The following CLN3 variants were observed in gnomAD, a reference collection of about 807,000 sequenced individuals.
CLN3 encodes the protein CLN3 lysosomal/endosomal transmembrane protein, battenin.
CLN3 carries 49 observed loss-of-function variants against 60.7 expected under a neutral mutation model. That is an observed-to-expected ratio of 0.81 (90% CI 0.64 to 1.02). CLN3 has a LOEUF of 1.02. Among genes scored for constraint, CLN3 ranks in the 50% least tolerant of loss-of-function variants. The pLI, the probability that CLN3 is intolerant of heterozygous loss-of-function variation, is 0.00. For synonymous variants in CLN3, 256 were observed against 245.8 expected (o/e 1.04, Z -0.39); for missense variants, 516 against 557.4 (o/e 0.93, Z 0.75).
rs1467276949 is a variant in CLN3 at position 28,482,084 on chromosome 16, T to C, written c.1056+21A>G. The C allele has an allele frequency of 2.5e-6, 4 of 1,592,372 alleles. No homozygotes were observed. In the African/African-American group the frequency reaches 4.1e-5, roughly 16 times the overall value. ...GCTGGGAGCCAAGGTGGGAGTGAAG[T>C]GAGGGGCAGGGGTTTGGTACCTGCA... is the stretch of plus-strand genomic sequence containing the variant. On this transcript the variant is annotated intron_variant, in intron 14 of 15. Coordinates refer to ENST00000636147, the MANE Select transcript of CLN3 (RefSeq NM_001042432.2).
At chr16:28,489,488 C>CT in intron 3 of CLN3, 102 bp from the exon 4 acceptor site, 45 of 809,106 alleles carry the variant, frequency 5.6e-5, no homozygotes, top group Middle Eastern at 2.3e-4. Context: ...TCAGCCCCCT[C>CT]TTTTTTTTCC....
At chr16:28,483,365 G>A (rs1041122643) in intron 10 of CLN3, among the ~76,000 whole-genome samples, 1 of 151,960 alleles carries the variant, frequency 6.6e-6, no homozygotes, top group Admixed American at 6.6e-5. Context: ...GGGACTACAG[G>A]CATGCACCAC....
intron 14 of CLN3, 75 bp from the exon 15 acceptor site, chr16:28,477,952 T>A: frequency 1.3e-6 from 2 of 1,559,622 alleles, no homozygotes; most frequent in Non-Finnish European, 1.7e-6. Context: ...CCTCCAGGGG[T>A]CCCTGGTTTT....
chr16:28,482,023 G>T, intron 14 of CLN3, 82 bp downstream of exon 14: 4 of 1,010,860 alleles, frequency 4.0e-6, no homozygotes, highest in Non-Finnish European at 6.1e-6. Flanking sequence ...CCCACTGATA[G>T]TGGGAAGCAG....
chr16:28,484,111 A>G lies in CLN3; in HGVS notation c.685T>C (p.Leu229=), dbSNP rs779965094. 8 of 1,608,546 alleles carry G rather than the reference A, an allele frequency of 5.0e-6. No individual in the cohort carries two copies. The highest frequency in any genetic ancestry group is 6.8e-6 in the Non-Finnish European group (8 of 1,177,098). Residue 229 remains leucine, a synonymous_variant, in exon 10 of 16, where the codon TTG becomes CTG. Coordinates refer to ENST00000636147, the MANE Select transcript of CLN3 (RefSeq NM_001042432.2). ...TGGGCCTCAGGAGATGTGAGCAACA[A>G]GAAATAGCTAGGAGTAGGATGAAGG... The part of the protein sequence containing the change: ...IPALLLASYF[L]LLTSPEAQDP...
chr16:28,478,813 A>G (rs1055578124), intron 14 of CLN3, among the ~76,000 whole-genome samples: 1 of 152,118 alleles, frequency 6.6e-6, no homozygotes, highest in Admixed American at 6.6e-5. Context: ...AGCATCCCTC[A>G]GTTGTGACAA....
At chr16:28,473,765 AG>A (rs950735606), downstream of CLN3, among the ~76,000 whole-genome samples, 2 of 152,234 alleles carry the variant, frequency 1.3e-5, no homozygotes, top group Admixed American at 1.3e-4. Context: ...TAATAAAAAA[AG>A]ACAATCCCAT....
intron 9 of CLN3, among the ~76,000 whole-genome samples, 160 bp downstream of exon 9, chr16:28,486,187 G>A (rs2046212509): frequency 6.6e-6 from 1 of 151,948 alleles, no homozygotes; most frequent in Non-Finnish European, 1.5e-5. Context: ...TAGTAGAGAC[G>A]GGGTTTCACC....
chr16:28,469,376 A>G (rs2045925785), downstream of CLN3, among the ~76,000 whole-genome samples: 3 of 124,792 alleles, frequency 2.4e-5, no homozygotes, highest in African/African-American at 7.8e-5. Flanking sequence ...AGGCGGGCGG[A>G]TCACCTGAGG....
At position 28,477,380 on chromosome 16, in the gene CLN3, C is replaced by T. The variant is rs914145077; in HGVS notation, c.*136G>A. 24 of 1,194,642 alleles carry T rather than the reference C, an allele frequency of 2.0e-5. No individual in the cohort carries two copies. Among genetic ancestry groups the T allele is most frequent in the Non-Finnish European group, 2.9e-5 (24 of 824,514 alleles). 74.0% of individuals were successfully genotyped at this position (1,194,642 alleles called of 1,614,324 possible). On this transcript the variant is annotated 3_prime_UTR_variant, in exon 16 of 16. Coordinates refer to ENST00000636147, the MANE Select transcript of CLN3 (RefSeq NM_001042432.2). Reference sequence around the variant, plus strand: ...CCCCCCTGCAAGGGAAACAAGGCTTCAGCCCTTCCCTACTCCCAGACCTGC... The same window carrying T: ...CCCCCCTGCAAGGGAAACAAGGCTTTAGCCCTTCCCTACTCCCAGACCTGC...
At chr16:28,468,799 T>A in the CLN3 span, among the ~76,000 whole-genome samples, 2 of 82,832 alleles carry the variant, frequency 2.4e-5, no homozygotes, top group East Asian at 6.9e-4. Flanking sequence ...AGAGTGAGAC[T>A]CTGTCTCAAA....
downstream of CLN3, chr16:28,475,618 G>A (rs1180481905): frequency 2.0e-5 from 3 of 152,110 alleles, no homozygotes; most frequent in African/African-American, 2.4e-5. Context: ...ATCACTGGTC[G>A]TAATGGAGTA....
chr16:28,472,714 C>T (rs2045960898), downstream of CLN3, among the ~76,000 whole-genome samples: 1 of 150,742 alleles, frequency 6.6e-6, no homozygotes, highest in Non-Finnish European at 1.5e-5. Flanking sequence ...TGGTGGCACA[C>T]CCTTGTAATC....
intron 10 of CLN3, among the ~76,000 whole-genome samples, chr16:28,483,745 A>C (rs2046150798): frequency 9.3e-6 from 1 of 107,480 alleles, no homozygotes; most frequent in Non-Finnish European, 1.8e-5. Context: ...TTTTTGCGAC[A>C]AGGTCTTGCT....
At chr16:28,486,903 A>G in intron 7 of CLN3, 1 of 565,324 alleles carries the variant, frequency 1.8e-6, no homozygotes, top group Non-Finnish European at 3.2e-6. Context: ...CCCCTTCATC[A>G]GTCTTTTTCT....
At chr16:28,481,134 C>T (rs1294976707) in intron 14 of CLN3, among the ~76,000 whole-genome samples, 4 of 152,000 alleles carry the variant, frequency 2.6e-5, no homozygotes, top group Admixed American at 2.6e-4. Flanking sequence ...TTCTGGGAGA[C>T]AGGGTCTCGC....
rs2046313354 is a variant in CLN3, at chr16:28,491,511, G to GATGGTT, written c.95_96insAACCAT (p.Gly32_Ala33insThrIle). The GATGGTT allele has an allele frequency of 6.2e-7, 1 of 1,613,756 alleles. No individual in the cohort carries two copies. The highest frequency in any genetic ancestry group is 2.2e-5 in the East Asian group (1 of 44,892). On this transcript the variant is annotated inframe_insertion, in exon 3 of 16. Coordinates refer to ENST00000636147, the MANE Select transcript of CLN3 (RefSeq NM_001042432.2). ...AGCCCACCGCGTTCTTCCAATGCGC[G>GATGGTT]CCCTGATGGTCCAACAGAGGGAGCC...
rs540114584 is a variant in CLN3 at position 28,480,687 on chromosome 16, G to A, written c.1056+1418C>T. Among the ~76,000 whole-genome samples, 13 of 152,294 alleles carry A rather than the reference G, an allele frequency of 8.5e-5. No individual in the cohort carries two copies. The East Asian group carries it at 2.5e-3, about 29-fold the overall frequency. The stretch of plus-strand genomic sequence containing the variant: ...CTCCCAAAGTGCTGGGATTACAGGT[G>A]TGAGCCACCAGGACTGGCCAAGTTC... On this transcript the variant is annotated intron_variant, in intron 14 of 15. Coordinates refer to ENST00000636147, the MANE Select transcript of CLN3 (RefSeq NM_001042432.2).
Position 28,477,459 on chromosome 16 carries a change from C to T in CLN3, c.*57G>A. 6.2e-7 allele frequency: 1 copy of T among 1,609,922 alleles called. No homozygotes were observed. The highest frequency in any genetic ancestry group is 2.2e-5 in the East Asian group (1 of 44,862). On this transcript the variant is annotated 3_prime_UTR_variant, in exon 16 of 16. Coordinates refer to ENST00000636147, the MANE Select transcript of CLN3 (RefSeq NM_001042432.2). ...GGGTCTCTGGGGTGGGCCTGGGTGT[C>T]TGACCTGTCCCTCTGCCCACAGGTG...
Sources: allele counts gnomAD v4.1 joint callset (sites outside exome capture counted in the v4.1 genomes callset), GRCh38; gene constraint gnomAD v4.1.1; transcripts MANE v1.5; gene names NCBI Gene and HGNC (gene_info 2026-07-23, HGNC 2026-07-21).